The following JADE2 variants were observed in gnomAD, a reference collection of about 807,000 sequenced individuals.
The protein encoded by JADE2 is jade family PHD finger 2.
In JADE2, 13 loss-of-function variants were observed where a neutral mutation model predicts 85.7. The observed-to-expected ratio is 0.15, with a 90% confidence interval of 0.10 to 0.24. The LOEUF is 0.24. Ranked by LOEUF, JADE2 falls within the 10% of genes least tolerant of loss-of-function variation. The pLI is 1.00. For missense variants in JADE2, 846 were observed against 1,115.9 expected (o/e 0.76, Z 3.45); for synonymous variants, 440 against 456.1 (o/e 0.96, Z 0.45).
At chr5:134,569,239 C>T (rs1301132577) in intron 9 of JADE2, among the ~76,000 whole-genome samples, 2 of 152,168 alleles carry the variant, frequency 1.3e-5, no homozygotes, top group African/African-American at 2.4e-5. Context: ...AGCCCGTGCG[C>T]TCTGAGGGTG....
At chr5:134,576,688 C>G in intron 10 of JADE2, 80 bp from the exon 11 acceptor site, 11 of 1,513,502 alleles carry the variant, frequency 7.3e-6, no homozygotes, top group Non-Finnish European at 9.8e-6. Flanking sequence ...GACTCCTGGG[C>G]TGCCACGCAG....
At chr5:134,568,959 C>T (rs910629149) in intron 9 of JADE2, among the ~76,000 whole-genome samples, 27 of 152,222 alleles carry the variant, frequency 1.8e-4, no homozygotes, top group African/African-American at 5.5e-4. Flanking sequence ...CAGGAATCAT[C>T]GGAAGATGGG....
rs117482826 is a variant in JADE2 at position 134,567,143 on chromosome 5, G to A, written c.1434+563G>A. 2.2e-4 allele frequency among the ~76,000 whole-genome samples: 33 copies of A among 152,350 alleles called. 2 individuals are homozygous for A. In the East Asian group the frequency reaches 6.2e-3, roughly 28 times the overall value. On this transcript the variant is annotated intron_variant, in intron 9 of 11. Coordinates refer to ENST00000681547, the MANE Select transcript of JADE2 (RefSeq NM_001388185.1). ...TGCTGGGCAAACAGAACAGAGGCAC[G>A]AAGGAGACAGGGTGGACTCAAGGAA...
Position 134,566,466 on chromosome 5 carries a change from C to T in JADE2, c.1320C>T (p.Asn440=), listed in dbSNP as rs909853100. 3.1e-6 allele frequency: 5 copies of T among 1,613,526 alleles called. No individual in the cohort carries two copies. The highest frequency in any genetic ancestry group is 4.2e-6 in the Non-Finnish European group (5 of 1,179,802). ...AGCTGAAGAGGAAAGCCAATGCCAACCAGCCGCTGCTGACCCCCAAGACCG... is the reference window on the plus strand; with the variant it reads ...AGCTGAAGAGGAAAGCCAATGCCAATCAGCCGCTGCTGACCCCCAAGACCG... ...YWKLKRKANA[N]QPLLTPKTDE... Residue 440 remains asparagine, a synonymous_variant, in exon 9 of 12, where the codon AAC becomes AAT. Transcript: ENST00000681547. The surrounding 1 kb of genome is among the most constrained non-coding windows in gnomAD (Gnocchi z 6.7).
intron 4 of JADE2, among the ~76,000 whole-genome samples, chr5:134,553,863 G>A (rs1040453723): frequency 5.2e-4 from 79 of 152,348 alleles, no homozygotes; most frequent in African/African-American, 1.9e-3. Flanking sequence ...CTTGTCAGGA[G>A]GAGGCCACAT....
chr5:134,572,506 A>G (rs1339623062), intron 9 of JADE2, among the ~76,000 whole-genome samples: 8 of 152,240 alleles, frequency 5.3e-5, no homozygotes, highest in African/African-American at 1.9e-4. Context: ...AGGTCACCCC[A>G]GCTTAAGGAC....
chr5:134,542,921 C>T (rs1288242177), intron 3 of JADE2, among the ~76,000 whole-genome samples: 2 of 151,758 alleles, frequency 1.3e-5, no homozygotes, highest in African/African-American at 2.4e-5. Context: ...TTAGTAGAGA[C>T]GGGGTTTAGC....
rs1763524368 is a variant in JADE2 at position 134,564,559 on chromosome 5, C to T, written c.918C>T (p.Arg306=). The T allele has an allele frequency of 6.4e-7, 1 of 1,572,244 alleles. No individual in the cohort carries two copies. The highest frequency in any genetic ancestry group is 8.6e-7 in the Non-Finnish European group (1 of 1,158,436). ...AGATCTCGCATATCCCAGCCAGCCGCTGGGCTCTGTCCTGCAGCCTCTGCA... is the reference window on the plus strand; with the variant it reads ...AGATCTCGCATATCCCAGCCAGCCGTTGGGCTCTGTCCTGCAGCCTCTGCA... ...ITKISHIPAS[R]WALSCSLCKE... is the part of the protein sequence containing the mutation. The change falls in exon 8 of 12, where the codon CGC becomes CGT. Residue 306 remains arginine, a synonymous_variant. Coordinates refer to ENST00000681547, the MANE Select transcript of JADE2 (RefSeq NM_001388185.1).
intron 9 of JADE2, among the ~76,000 whole-genome samples, chr5:134,569,299 C>A (rs1208452842): frequency 6.6e-6 from 1 of 152,164 alleles, no homozygotes; most frequent in African/African-American, 2.4e-5. Context: ...GCCTGGGAAC[C>A]CAGCATCCTC....
In JADE2 at chr5:134,579,372, C is replaced by T. The variant is rs1764590985; in HGVS notation, c.*55C>T. ...CCTGGTCCCCCCACAAGGCCTCAGC[C>T]CAGTCACAACTGCCATTTCCAGTCT... On this transcript the variant is annotated 3_prime_UTR_variant, in exon 12 of 12. Transcript: ENST00000681547. This position sits in a 1 kb window ranked among gnomAD's most constrained non-coding sequence, Gnocchi z 4.6. The T allele has an allele frequency of 7.4e-7, 1 of 1,348,762 alleles. No individual in the cohort carries two copies. Among genetic ancestry groups the T allele is most frequent in the Non-Finnish European group, 1.0e-6 (1 of 1,001,186 alleles). The allele number at this position is 1,348,762 out of a possible 1,614,324, so 83.5% of individuals were successfully genotyped here. A position where few individuals can be genotyped will look rare whatever the true frequency, so the allele number is the denominator to read the frequency against.
chr5:134,551,516 ACCTTGC>A (rs1363813333), intron 3 of JADE2, among the ~76,000 whole-genome samples: 1 of 147,642 alleles, frequency 6.8e-6, no homozygotes, highest in Non-Finnish European at 1.5e-5. Context: ...GGTGTGAGCC[ACCTTGC>A]CTGGCCCTTT....
rs1764682109 is a variant in JADE2 at position 134,580,923 on chromosome 5, C to G, written c.*1606C>G. The G allele has an allele frequency of 6.6e-6, 1 of 152,612 alleles. No homozygotes were observed. The highest frequency in any genetic ancestry group is 2.4e-5 in the African/African-American group (1 of 41,434). The allele number at this position is 152,612 out of a possible 1,614,324, so 9.5% of individuals were successfully genotyped here. ...CTGTGAGCTTTCCTAAACTGTGAGA[C>G]TCACAGAGGGGAAAGATACTGACGG... On this transcript the variant is annotated 3_prime_UTR_variant, in exon 12 of 12. Transcript: ENST00000681547.
In JADE2 at chr5:134,579,001, C is replaced by T. The variant is rs753874938; in HGVS notation, c.2189C>T (p.Ser730Leu). 1.9e-6 allele frequency: 3 copies of T among 1,613,876 alleles called. No individual in the cohort carries two copies. In the South Asian group the frequency reaches 3.3e-5, roughly 18 times the overall value. Residue 730 changes from serine (S) to leucine (L), a missense_variant, in exon 12 of 12, where the codon TCA becomes TTA. This residue lies in a region of JADE2 where 300 missense variants were observed against 300.7 expected (regional missense o/e 1.00). Transcript: ENST00000681547. This position sits in a 1 kb window ranked among gnomAD's most constrained non-coding sequence, Gnocchi z 4.6. ...LAPETPDEAA[S>L]VAADSDVQVP... Reference sequence around the variant, plus strand: ...CCTGAGACCCCGGACGAGGCAGCCTCAGTAGCTGCTGACTCAGATGTCCAA... The same window carrying T: ...CCTGAGACCCCGGACGAGGCAGCCTTAGTAGCTGCTGACTCAGATGTCCAA...
intron 4 of JADE2, among the ~76,000 whole-genome samples, chr5:134,554,213 A>AG (rs1341894401): frequency 6.6e-6 from 1 of 152,152 alleles, no homozygotes; most frequent in African/African-American, 2.4e-5. Context: ...GGGGATTGGA[A>AG]GGGGAGGGGT....
chr5:134,533,940 C>A (rs947302183), intron 1 of JADE2, among the ~76,000 whole-genome samples: 1 of 151,898 alleles, frequency 6.6e-6, no homozygotes, highest in African/African-American at 2.4e-5. Flanking sequence ...AGAGATGAGT[C>A]CCCCTACGTT....
chr5:134,535,239 G>T (rs1761511934), intron 1 of JADE2, among the ~76,000 whole-genome samples: 2 of 152,180 alleles, frequency 1.3e-5, no homozygotes, highest in Admixed American at 1.3e-4. Flanking sequence ...GGATGGTGGG[G>T]AGTAGGAGGG....
At chr5:134,567,342 C>A (rs1167363510) in intron 9 of JADE2, among the ~76,000 whole-genome samples, 3 of 152,178 alleles carry the variant, frequency 2.0e-5, no homozygotes, top group Non-Finnish European at 4.4e-5. Flanking sequence ...AATGGGTGGG[C>A]TGGCTGAAAA....
Position 134,580,445 on chromosome 5 carries a change from T to TCC in JADE2, c.*1135_*1136dup, listed in dbSNP as rs1160989541. 2 of 40,910 alleles carry TCC rather than the reference T, an allele frequency of 4.9e-5. No individual in the cohort carries two copies. Among genetic ancestry groups the TCC allele is most frequent in the African/African-American group, 2.1e-4 (2 of 9,658 alleles). 2.5% of individuals were successfully genotyped at this position (40,910 alleles called of 1,614,324 possible). A position where few individuals can be genotyped will look rare whatever the true frequency, so the allele number is the denominator to read the frequency against. ...AGCCATCCCCCCCCCCGTCCTGCCATCCCCCCCCGCCGTCCTGCCTTCCCC... is the reference window on the plus strand; with the variant it reads ...AGCCATCCCCCCCCCCGTCCTGCCATCCCCCCCCCCGCCGTCCTGCCTTCCCC... On this transcript the variant is annotated 3_prime_UTR_variant, in exon 12 of 12. Coordinates refer to ENST00000681547, the MANE Select transcript of JADE2 (RefSeq NM_001388185.1).
At chr5:134,568,253 C>G (rs569916004) in intron 9 of JADE2, among the ~76,000 whole-genome samples, 1 of 152,110 alleles carries the variant, frequency 6.6e-6, no homozygotes, top group East Asian at 1.9e-4. Context: ...AACTGGGGCT[C>G]GGAGAGACGA....
Sources: allele counts gnomAD v4.1 joint callset (sites outside exome capture counted in the v4.1 genomes callset), GRCh38; gene constraint gnomAD v4.1.1; regional missense constraint gnomAD v4.1.1; non-coding constraint Gnocchi (gnomAD v3.1); transcripts MANE v1.5; gene names NCBI Gene and HGNC (gene_info 2026-07-23, HGNC 2026-07-21).